MRPL43: variants seen among roughly 807,000 people sequenced by gnomAD.
MRPL43 encodes large ribosomal subunit protein mL43.
Under a neutral mutation model 12.7 loss-of-function variants are expected in MRPL43, and 9 were observed. That is an observed-to-expected ratio of 0.71 (90% CI 0.43 to 1.24). The LOEUF (loss-of-function observed/expected upper bound fraction) is 1.24. Ranked by LOEUF, MRPL43 falls within the 50% of genes most tolerant of loss-of-function variation. The probability of loss-of-function intolerance (pLI) is 0.00; values close to 1 mark genes in which losing one functional copy is unlikely to be tolerated. For missense variants in MRPL43, 211 were observed against 229.2 expected, an observed-to-expected ratio of 0.92 and a Z score of 0.51; for synonymous variants, 116 against 96.4, an observed-to-expected ratio of 1.20 and a Z score of -1.19.
At chr10:100,979,058 G>C, downstream of MRPL43, 10 of 1,613,040 alleles carry the variant, frequency 6.2e-6, no homozygotes, top group Non-Finnish European at 8.5e-6. Context: ...ATAGAGGCTG[G>C]ACCTCTGACC....
At position 100,987,473 on chromosome 10, in the gene MRPL43, G is replaced by C. The variant is rs774664482; in HGVS notation, c.-30C>G. 1.2e-6 allele frequency: 2 copies of C among 1,607,860 alleles called. No homozygotes were observed. Among genetic ancestry groups the C allele is most frequent in the East Asian group, 2.2e-5 (1 of 44,780 alleles). ...ACAGCTTGGAGGCCGCGGAGCCTAA[G>C]CAGCGAGGAGAGGGGGGCGGGACTA... On this transcript the variant is annotated 5_prime_UTR_variant, in exon 1 of 3. Coordinates refer to ENST00000318364, the MANE Select transcript of MRPL43 (RefSeq NM_032112.3).
downstream of MRPL43, chr10:100,983,736 C>T (rs149052530): frequency 1.8e-4 from 285 of 1,613,050 alleles, no homozygotes; most frequent in Non-Finnish European, 2.3e-4. Flanking sequence ...CAGACGAGGG[C>T]GCCGACGGAA....
chr10:100,983,342 G>A, downstream of MRPL43: 1 of 1,591,326 alleles, frequency 6.3e-7, no homozygotes, highest in South Asian at 1.1e-5. Context: ...CTGTGCTCCG[G>A]GGTGATGATG....
At chr10:100,984,132 GC>G, downstream of MRPL43, 2 of 1,604,184 alleles carry the variant, frequency 1.2e-6, no homozygotes, top group Non-Finnish European at 1.7e-6. Flanking sequence ...CTCTGTCTGA[GC>G]CCAGCCTCCC....
downstream of MRPL43, chr10:100,981,179 T>C (rs1271640141): frequency 2.5e-6 from 4 of 1,614,214 alleles, no homozygotes; most frequent in Non-Finnish European, 3.4e-6. Flanking sequence ...ACAGCACTGA[T>C]ACAGGACATA....
chr10:100,979,315 TA>T, downstream of MRPL43: 1 of 1,613,690 alleles, frequency 6.2e-7, no homozygotes, highest in Non-Finnish European at 8.5e-7. Flanking sequence ...GCGGACAGCA[TA>T]GGGGCTGGAG....
downstream of MRPL43, chr10:100,984,961 G>A (rs1275426272): frequency 7.1e-7 from 1 of 1,413,176 alleles, no homozygotes; most frequent in Non-Finnish European, 9.3e-7. Flanking sequence ...TCACACATGT[G>A]CTTACATTTC....
At chr10:100,985,728 A>G (rs778493517), downstream of MRPL43, 12 of 152,384 alleles carry the variant, frequency 7.9e-5, no homozygotes, top group Admixed American at 1.3e-4. Context: ...CTGCTCCCCA[A>G]TACAACTATT....
At chr10:100,983,631 G>A (rs957195278), downstream of MRPL43, 2 of 1,613,988 alleles carry the variant, frequency 1.2e-6, no homozygotes, top group Non-Finnish European at 1.7e-6. Flanking sequence ...GGCACCTGAT[G>A]TGAGACTGCT....
At chr10:100,978,295 G>A (rs1004659697), downstream of MRPL43, 1 of 1,611,804 alleles carries the variant, frequency 6.2e-7, no homozygotes, top group Non-Finnish European at 8.5e-7. Context: ...TGTTCCCTAG[G>A]ATGCTGAGGC....
At position 100,987,216 on chromosome 10, in the gene MRPL43, G is replaced by C; in HGVS notation, c.132-20C>G. 6.2e-7 allele frequency: 1 copy of C among 1,613,604 alleles called. No homozygotes were observed. Among genetic ancestry groups the C allele is most frequent in the African/African-American group, 1.3e-5 (1 of 75,064 alleles). The stretch of plus-strand genomic sequence containing the variant: ...AACTCCCTAAGCGACCCGGGACAGT[G>C]AGCAGTATGACCCCTGACTGGGGGC... On this transcript the variant is annotated intron_variant, in intron 1 of 2. Coordinates refer to ENST00000318364, the MANE Select transcript of MRPL43 (RefSeq NM_032112.3).
At chr10:100,978,611 CT>C (rs753223422), downstream of MRPL43, 1 of 1,614,118 alleles carries the variant, frequency 6.2e-7, no homozygotes, top group East Asian at 2.2e-5. Flanking sequence ...TCCCTGAGAA[CT>C]GAGGAGACAC....
downstream of MRPL43, chr10:100,979,827 T>A: frequency 3.1e-6 from 5 of 1,611,884 alleles, no homozygotes; most frequent in African/African-American, 4.0e-5. Flanking sequence ...CTCACCCCCC[T>A]TGCCCTATGT....
chr10:100,980,536 A>G (rs769967756), downstream of MRPL43: 5 of 1,554,486 alleles, frequency 3.2e-6, no homozygotes, highest in Non-Finnish European at 4.4e-6. Context: ...CTGAGAGCAG[A>G]TCCCATAGTT....
chr10:100,978,706 C>G (rs1262508419), downstream of MRPL43: 7 of 1,557,330 alleles, frequency 4.5e-6, no homozygotes, highest in African/African-American at 1.4e-5. Flanking sequence ...ACTCCCTTGG[C>G]CAGCTGACCA....
chr10:100,980,459 C>G (rs992040515), downstream of MRPL43: 9 of 1,344,692 alleles, frequency 6.7e-6, no homozygotes, highest in African/African-American at 8.6e-5. Flanking sequence ...GTCCACTGCT[C>G]CTGGCTGAGT....
chr10:100,984,962 C>T, downstream of MRPL43: 1 of 1,404,778 alleles, frequency 7.1e-7, no homozygotes, highest in East Asian at 2.5e-5. Context: ...CACACATGTG[C>T]TTACATTTCC....
chr10:100,984,476 T>C, downstream of MRPL43: 1 of 1,530,362 alleles, frequency 6.5e-7, no homozygotes, highest in Non-Finnish European at 8.7e-7. Flanking sequence ...CCAAACCCTT[T>C]CTCTTTCTCC....
chr10:100,979,839 C>A (rs766192937), downstream of MRPL43: 2 of 1,612,842 alleles, frequency 1.2e-6, no homozygotes, highest in South Asian at 2.2e-5. Context: ...GCCCTATGTC[C>A]CATTCTAGGA....
Sources: allele counts gnomAD v4.1 joint callset, GRCh38; gene constraint gnomAD v4.1.1; transcripts MANE v1.5; gene names NCBI Gene and HGNC (gene_info 2026-07-23, HGNC 2026-07-21).